The following ODR4 variants were observed in gnomAD, a reference collection of about 807,000 sequenced individuals.
ODR4 encodes protein odr-4 homolog.
ODR4 carries 47 observed loss-of-function variants against 60.2 expected under a neutral mutation model. That is an observed-to-expected ratio of 0.78 (90% CI 0.62 to 1.00). The LOEUF (loss-of-function observed/expected upper bound fraction) is 1.00, where lower values mean the gene tolerates loss of function less well. ODR4 is among the 50% of genes least tolerant of loss of function. The probability of loss-of-function intolerance (pLI) is 0.00; values close to 1 mark genes in which losing one functional copy is unlikely to be tolerated. For synonymous variants in ODR4, 178 were observed against 175.5 expected (o/e 1.01, Z -0.11); for missense variants, 488 against 530.8 (o/e 0.92, Z 0.79).
rs770649531 is a variant in ODR4 at position 186,375,984 on chromosome 1, C to CA, written c.-20+10_-20+11insA. On this transcript the variant is annotated intron_variant, in intron 1 of 13. Transcript: ENST00000287859. ...CACATTCTGAAAACAGGTAAGTCAG[C>CA]CTAAGTGTAGTGTGTGTGTGTGTGT... 73 of 167,506 alleles carry CA rather than the reference C, an allele frequency of 4.4e-4. No homozygotes were observed. Among genetic ancestry groups the CA allele is most frequent in the Non-Finnish European group, 7.6e-4 (60 of 78,930 alleles). The allele number at this position is 167,506 out of a possible 1,614,324, so 10.4% of individuals were successfully genotyped here. A position where few individuals can be genotyped will look rare whatever the true frequency, so the allele number is the denominator to read the frequency against.
rs375477841 is a variant in ODR4, at chr1:186,391,625, A to C, written c.616-71A>C. ...ATATTTCAATTTATTAGGTGGAACA[A>C]AGTAGATTATAGGAAGTTTAATTGA... On this transcript the variant is annotated intron_variant, in intron 7 of 13. Transcript: ENST00000287859. The C allele has an allele frequency of 9.1e-5, 84 of 925,638 alleles. 1 individual carries two copies. The African/African-American group carries it at 1.3e-3, about 14-fold the overall frequency. 57.3% of individuals were successfully genotyped at this position (925,638 alleles called of 1,614,324 possible).
At chr1:186,399,928 A>G (rs1005768370) in intron 11 of ODR4, among the ~76,000 whole-genome samples, 4 of 151,782 alleles carry the variant, frequency 2.6e-5, no homozygotes, top group Non-Finnish European at 4.4e-5. Context: ...ATCAAAAGCA[A>G]GTTAAAATAT....
At chr1:186,382,129 G>C (rs964878053) in intron 2 of ODR4, among the ~76,000 whole-genome samples, 7 of 151,966 alleles carry the variant, frequency 4.6e-5, no homozygotes, top group African/African-American at 1.7e-4. Context: ...GAACAGATTG[G>C]GTGTGGTGGC....
At chr1:186,377,583 AATATG>A (rs1659833746) in intron 1 of ODR4, among the ~76,000 whole-genome samples, 1 of 152,242 alleles carries the variant, frequency 6.6e-6, no homozygotes, top group Non-Finnish European at 1.5e-5. Context: ...AAAGGAGTAT[AATATG>A]ATATAGAGGA....
At chr1:186,428,507 A>G in the ODR4 span, among the ~76,000 whole-genome samples, 493 of 152,358 alleles carry the variant, frequency 3.2e-3, 2 homozygotes, top group Non-Finnish European at 5.0e-3. Flanking sequence ...GACTTTCTCC[A>G]TATAAGCAAT....
chr1:186,377,683 A>G (rs558627875), intron 1 of ODR4, among the ~76,000 whole-genome samples: 2 of 152,322 alleles, frequency 1.3e-5, no homozygotes, highest in East Asian at 1.9e-4. Flanking sequence ...TGATATTTAG[A>G]CAAGCATTCC....
At chr1:186,388,843 T>C (rs1660349094) in intron 5 of ODR4, among the ~76,000 whole-genome samples, 1 of 152,200 alleles carries the variant, frequency 6.6e-6, no homozygotes, top group Non-Finnish European at 1.5e-5. Context: ...CCTACAGAGA[T>C]AAATGCCTAA....
At chr1:186,428,054 A>C in the ODR4 span, among the ~76,000 whole-genome samples, 181 of 152,302 alleles carry the variant, frequency 1.2e-3, no homozygotes, top group African/African-American at 4.3e-3. Flanking sequence ...TGGAATGGCA[A>C]AGGAGCTTTG....
At chr1:186,402,207 T>TTTCTTTCTTTCTTTCC (rs1660997061) in intron 11 of ODR4, among the ~76,000 whole-genome samples, 1 of 147,028 alleles carries the variant, frequency 6.8e-6, no homozygotes, top group Non-Finnish European at 1.5e-5. Context: ...TCTTTCTTTC[T>TTTCTTTCTTTCTTTCC]TTCTTTCTTT....
In ODR4 at chr1:186,383,049, C is replaced by A; in HGVS notation, c.127C>A (p.Leu43Ile). ...QCSSQKDYVI[L>I]ATRTPPKEEQ... ...TTCGTCACAAAAGGATTATGTGATT[C>A]TTGCCACTAGAACGCCACCCAAAGA... Residue 43 changes from leucine (L) to isoleucine (I), a missense_variant, in exon 3 of 14, where the codon CTT becomes ATT. Leu to Ile is a conservative substitution (Grantham distance 5). Transcript: ENST00000287859. The A allele has an allele frequency of 6.3e-7, 1 of 1,583,750 alleles. No individual in the cohort carries two copies. The highest frequency in any genetic ancestry group is 1.2e-5 in the South Asian group (1 of 86,396).
chr1:186,419,190 C>T lies in ODR4; in HGVS notation c.*114C>T. ...AAACACTAGCAGCCAGATCTGCTGC[C>T]ATGATGCCTATTTGGTGTGTTTCTG... On this transcript the variant is annotated 3_prime_UTR_variant, in exon 14 of 14. Coordinates refer to ENST00000287859, the MANE Select transcript of ODR4 (RefSeq NM_017847.6). 1.1e-6 allele frequency: 1 copy of T among 884,120 alleles called. No individual in the cohort carries two copies. Among genetic ancestry groups the T allele is most frequent in the Non-Finnish European group, 1.8e-6 (1 of 555,414 alleles). The allele number at this position is 884,120 out of a possible 1,614,324, so 54.8% of individuals were successfully genotyped here. A position where few individuals can be genotyped will look rare whatever the true frequency, so the allele number is the denominator to read the frequency against.
At chr1:186,397,375 A>G (rs1463188467) in intron 9 of ODR4, among the ~76,000 whole-genome samples, 2 of 152,216 alleles carry the variant, frequency 1.3e-5, no homozygotes, top group African/African-American at 4.8e-5. Context: ...TAGAACATAA[A>G]TTACTTCCTT....
intron 11 of ODR4, among the ~76,000 whole-genome samples, chr1:186,402,186 T>TTTTCCTTCTTTCTTTCTTTC (rs777903676): frequency 1.1e-5 from 1 of 91,504 alleles, no homozygotes. Context: ...ATAGGCATCC[T>TTTTCCTTCTTTCTTTCTTTC]ATTCTTTCTT....
chr1:186,420,079 T>C lies in ODR4; in HGVS notation c.*1003T>C, dbSNP rs997000209. 8 of 152,218 alleles carry C rather than the reference T, an allele frequency of 5.3e-5. No individual in the cohort carries two copies. Among genetic ancestry groups the C allele is most frequent in the African/African-American group, 9.6e-5 (4 of 41,462 alleles). The allele number at this position is 152,218 out of a possible 1,614,324, so 9.4% of individuals were successfully genotyped here. ...CAACTAGATCCTGAATAAAATCTGCTTTTAATAGGTTCACTGGAAGTAGGA... is the reference window on the plus strand; with the variant it reads ...CAACTAGATCCTGAATAAAATCTGCCTTTAATAGGTTCACTGGAAGTAGGA... On this transcript the variant is annotated 3_prime_UTR_variant, in exon 14 of 14. Transcript: ENST00000287859.
intron 9 of ODR4, among the ~76,000 whole-genome samples, chr1:186,396,025 G>A (rs1023860361): frequency 1.8e-4 from 27 of 152,084 alleles, no homozygotes; most frequent in African/African-American, 6.0e-4. Flanking sequence ...CCTGAACTAT[G>A]TATCATGTCT....
chr1:186,385,303 C>G (rs1280875421), intron 3 of ODR4, among the ~76,000 whole-genome samples: 1 of 147,912 alleles, frequency 6.8e-6, no homozygotes, highest in East Asian at 2.0e-4. Context: ...AATTCCAGAT[C>G]TAGTATGCTG....
At position 186,401,956 on chromosome 1, in the gene ODR4, C is replaced by T. The variant is rs532065826; in HGVS notation, c.1000+2912C>T. Among the ~76,000 whole-genome samples the T allele has an allele frequency of 4.6e-5, 7 of 152,156 alleles. No homozygotes were observed. In the South Asian group the frequency reaches 1.2e-3, roughly 27 times the overall value. Reference sequence around the variant, plus strand: ...TCTTTTTTAAAGGTTCAGTAGAATTCATTGGTAAAACCATCCAGTCTTGGA... The same window carrying T: ...TCTTTTTTAAAGGTTCAGTAGAATTTATTGGTAAAACCATCCAGTCTTGGA... On this transcript the variant is annotated intron_variant, in intron 11 of 13. Transcript: ENST00000287859.
chr1:186,398,236 C>A, intron 9 of ODR4, 77 bp from the exon 10 acceptor site: 2 of 1,285,268 alleles, frequency 1.6e-6, no homozygotes, highest in Non-Finnish European at 2.0e-6. Context: ...TTCATAAAAT[C>A]GCTAATATAA....
rs764477741 is a variant in ODR4, at chr1:186,398,421, A to G, written c.889A>G (p.Lys297Glu). ...AGCTTATATCCACAGCAGTAAACCC[A>G]AAGTTAAAGATGCTGTGCAGGTACA... is the stretch of plus-strand genomic sequence containing the variant. ...CRAYIHSSKP[K>E]VKDAVQAVKR... Residue 297 changes from lysine to glutamate, a missense_variant, in exon 10 of 14, where the codon AAA becomes GAA. Physicochemically the swap from Lys to Glu is moderately conservative, Grantham distance 56 (BLOSUM62 1). Transcript: ENST00000287859. 1.2e-6 allele frequency: 2 copies of G among 1,607,272 alleles called. No individual in the cohort carries two copies. The highest frequency in any genetic ancestry group is 1.1e-5 in the South Asian group (1 of 90,186).
Sources: gnomAD v4.1 joint callset for allele counts (sites outside exome capture counted in the v4.1 genomes callset) on GRCh38, gnomAD v4.1.1 for gene constraint, MANE v1.5 for transcripts, NCBI Gene and HGNC (gene_info 2026-07-23, HGNC 2026-07-21) for gene names.